The following AMD1 variants were observed in gnomAD, a reference collection of about 807,000 sequenced individuals.
AMD1 encodes the protein adenosylmethionine decarboxylase 1, also known as S-adenosylmethionine decarboxylase proenzyme.
AMD1 carries 11 observed loss-of-function variants against 40.2 expected under a neutral mutation model. The ratio of observed to expected loss-of-function variants is 0.27; its 90% confidence interval spans 0.17 to 0.45. AMD1 has a LOEUF of 0.45. Among genes scored for constraint, AMD1 ranks in the 20% least tolerant of loss-of-function variants. The pLI, the probability that AMD1 is intolerant of heterozygous loss-of-function variation, is 1.00. For missense variants in AMD1, 257 were observed against 410.2 expected, an observed-to-expected ratio of 0.63 and a Z score of 3.23; for synonymous variants, 121 against 130.8, an observed-to-expected ratio of 0.93 and a Z score of 0.51.
the AMD1 span, among the ~76,000 whole-genome samples, chr6:110,866,414 T>A: frequency 3.2e-4 from 49 of 152,302 alleles, no homozygotes; most frequent in Non-Finnish European, 6.6e-4. Context: ...AGAGCAGGCA[T>A]ACAAATTTAT....
the AMD1 span, among the ~76,000 whole-genome samples, chr6:110,868,078 G>A: frequency 3.3e-5 from 5 of 151,942 alleles, no homozygotes; most frequent in African/African-American, 4.8e-5. Context: ...TCCTGCCTCC[G>A]CCTTCCAAAC....
At chr6:110,858,471 C>A in the AMD1 span, 7 of 1,234,614 alleles carry the variant, frequency 5.7e-6, no homozygotes, top group Admixed American at 5.1e-5. Context: ...ATCAACCGTT[C>A]CATGCAGAAC....
the AMD1 span, among the ~76,000 whole-genome samples, chr6:110,832,384 C>T: frequency 1.3e-5 from 2 of 152,102 alleles, no homozygotes; most frequent in Non-Finnish European, 2.9e-5. Context: ...CTCCTGGACT[C>T]AAGTAATCCT....
chr6:110,861,773 C>T, the AMD1 span, among the ~76,000 whole-genome samples: 1 of 152,036 alleles, frequency 6.6e-6, no homozygotes, highest in South Asian at 2.1e-4. Context: ...ACCTGGGAGG[C>T]TGAGGTTGCA....
the AMD1 span, chr6:110,856,366 C>T: frequency 1.3e-5 from 2 of 152,206 alleles, no homozygotes; most frequent in Admixed American, 1.3e-4. Context: ...GAGCTAGTTA[C>T]TCAAAGTCGA....
At chr6:110,819,360 A>G in the AMD1 span, among the ~76,000 whole-genome samples, 1 of 152,344 alleles carries the variant, frequency 6.6e-6, no homozygotes. Context: ...TCTGTTTCAA[A>G]ACAAACTAAC....
At chr6:110,814,728 A>G in the AMD1 span, 7 of 611,832 alleles carry the variant, frequency 1.1e-5, no homozygotes, top group African/African-American at 1.3e-4. Context: ...TCCCAACTCG[A>G]GTCCCCCCGC....
chr6:110,865,912 G>T, the AMD1 span, among the ~76,000 whole-genome samples: 1 of 151,480 alleles, frequency 6.6e-6, no homozygotes, highest in African/African-American at 2.4e-5. Context: ...ACAGGTTCCT[G>T]CCACCATGCC....
the AMD1 span, among the ~76,000 whole-genome samples, chr6:110,820,169 G>A: frequency 6.6e-6 from 1 of 151,590 alleles, no homozygotes; most frequent in Non-Finnish European, 1.5e-5. Flanking sequence ...CCATTCTTTT[G>A]TTTACTTCTC....
the AMD1 span, among the ~76,000 whole-genome samples, chr6:110,860,730 G>A: frequency 0.035 from 5,377 of 151,916 alleles, 364 homozygotes; most frequent in East Asian, 0.34. Flanking sequence ...AACACGGGAG[G>A]TGGAGGTTGC....
the AMD1 span, among the ~76,000 whole-genome samples, chr6:110,862,623 C>T: frequency 1.3e-3 from 200 of 151,948 alleles, no homozygotes; most frequent in African/African-American, 4.6e-3. Flanking sequence ...CGCATCACCA[C>T]GCCTGGCTAA....
chr6:110,892,401 G>T lies in AMD1; in HGVS notation c.573G>T (p.Gln191His). ...MSELDPAVMD[Q>H]FYMKDGVTAK... ...AGCTTGACCCAGCAGTTATGGACCA[G>T]TTCTACATGAAAGATGGTGTTACTG... The change falls in exon 6 of 9, where the codon CAG becomes CAT. Residue 191 changes from glutamine (Q) to histidine (H), a missense_variant. By Grantham distance (24) the Gln-to-His change is conservative. This residue lies in a region of AMD1 where 192 missense variants were observed against 296.5 expected (regional missense o/e 0.65). Coordinates refer to ENST00000368885, the MANE Select transcript of AMD1 (RefSeq NM_001634.6). 6.2e-7 allele frequency: 1 copy of T among 1,612,514 alleles called. No individual in the cohort carries two copies. Among genetic ancestry groups the T allele is most frequent in the Non-Finnish European group, 8.5e-7 (1 of 1,180,032 alleles).
chr6:110,890,379 C>G lies in AMD1; in HGVS notation c.427+23C>G, dbSNP rs758473195. 29 of 1,506,190 alleles carry G rather than the reference C, an allele frequency of 1.9e-5. No individual in the cohort carries two copies. In the Middle Eastern group the frequency reaches 9.4e-4, roughly 49 times the overall value. 93.3% of individuals were successfully genotyped at this position (1,506,190 alleles called of 1,614,324 possible). ...CAAGTAAGTTTAAATAAAATATAAACCTGTTGTCTTCTTAAAGATAGAAAG... is the reference window on the plus strand; with the variant it reads ...CAAGTAAGTTTAAATAAAATATAAAGCTGTTGTCTTCTTAAAGATAGAAAG... On this transcript the variant is annotated intron_variant, in intron 4 of 8. Coordinates refer to ENST00000368885, the MANE Select transcript of AMD1 (RefSeq NM_001634.6).
chr6:110,816,929 C>T, the AMD1 span, among the ~76,000 whole-genome samples: 1 of 152,168 alleles, frequency 6.6e-6, no homozygotes, highest in African/African-American at 2.4e-5. Flanking sequence ...AAGTGTCAAA[C>T]ATCTGGCCCT....
chr6:110,837,172 C>CAAAA, the AMD1 span, among the ~76,000 whole-genome samples: 10 of 23,906 alleles, frequency 4.2e-4, 2 homozygotes, highest in African/African-American at 1.1e-3. Context: ...CAGAGCGTCT[C>CAAAA]AAAAAAAAAA....
At chr6:110,869,932 G>C (rs1029354967), upstream of AMD1, among the ~76,000 whole-genome samples, 1 of 150,890 alleles carries the variant, frequency 6.6e-6, no homozygotes, top group Non-Finnish European at 1.5e-5. Flanking sequence ...TTTTTAAATA[G>C]AGATGGGGGG....
At chr6:110,825,821 A>G in the AMD1 span, among the ~76,000 whole-genome samples, 1 of 152,198 alleles carries the variant, frequency 6.6e-6, no homozygotes, top group African/African-American at 2.4e-5. Flanking sequence ...TACTTAGTAC[A>G]GAGCTGCTGT....
the AMD1 span, among the ~76,000 whole-genome samples, chr6:110,853,006 T>C: frequency 6.8e-6 from 1 of 147,054 alleles, no homozygotes; most frequent in African/African-American, 2.5e-5. Flanking sequence ...TTTTTTTTAG[T>C]GTGTGTGACT....
chr6:110,849,136 G>A, the AMD1 span, among the ~76,000 whole-genome samples: 1 of 152,114 alleles, frequency 6.6e-6, no homozygotes, highest in Non-Finnish European at 1.5e-5. Flanking sequence ...ATGACTTTTT[G>A]TTTTAAAGGC....
Sources: gnomAD v4.1 joint callset for allele counts (sites outside exome capture counted in the v4.1 genomes callset) on GRCh38, gnomAD v4.1.1 for gene constraint, gnomAD v4.1.1 regional missense constraint, MANE v1.5 for transcripts, NCBI Gene and HGNC (gene_info 2026-07-23, HGNC 2026-07-21) for gene names.